MYO9A: variants seen among roughly 807,000 people sequenced by gnomAD.
The protein encoded by MYO9A is unconventional myosin-IXa.
In MYO9A, 103 loss-of-function variants were observed where a neutral mutation model predicts 293.3. The observed-to-expected ratio is 0.35, with a 90% CI of 0.30 to 0.41. The LOEUF (loss-of-function observed/expected upper bound fraction) is 0.41. Among genes scored for constraint, MYO9A ranks in the 10% least tolerant of loss-of-function variants. MYO9A has a pLI of 1.00. For synonymous variants in MYO9A, 1,001 were observed against 1,035.7 expected, an observed-to-expected ratio of 0.97 and a Z score of 0.64; for missense variants, 2,685 against 3,033.0, an observed-to-expected ratio of 0.89 and a Z score of 2.69.
rs183864527 is a variant in MYO9A at position 71,825,727 on chromosome 15, A to G, written c.*853T>C. On this transcript the variant is annotated 3_prime_UTR_variant, in exon 42 of 42. Transcript: ENST00000356056. ...CTGAATGGCTTAGGATGAAACCTTC[A>G]TAAGTTTAGGGATCACCATGTCTCT... The G allele has an allele frequency of 2.0e-5, 3 of 152,216 alleles. No homozygotes were observed. Among genetic ancestry groups the G allele is most frequent in the South Asian group, 2.1e-4 (1 of 4,830 alleles). 9.4% of individuals were successfully genotyped at this position (152,216 alleles called of 1,614,324 possible).
At chr15:71,965,676 T>C (rs188174565) in intron 13 of MYO9A, among the ~76,000 whole-genome samples, 54 of 151,574 alleles carry the variant, frequency 3.6e-4, no homozygotes, top group African/African-American at 1.2e-3. Context: ...AGGGCGGAGG[T>C]TGCAGTGAGT....
intron 34 of MYO9A, among the ~76,000 whole-genome samples, chr15:71,857,971 G>C (rs1420144015): frequency 3.3e-5 from 5 of 152,300 alleles, no homozygotes; most frequent in African/African-American, 4.8e-5. Flanking sequence ...CTTCTCAAAA[G>C]AAGACATTTA....
At chr15:71,883,827 T>C (rs563981088) in intron 27 of MYO9A, 91 bp from the exon 28 acceptor site, 8 of 1,148,222 alleles carry the variant, frequency 7.0e-6, no homozygotes, top group African/African-American at 1.6e-5. Context: ...AAATCTTCTA[T>C]GTATATTAGC....
At chr15:71,924,163 T>C (rs997680539) in intron 18 of MYO9A, among the ~76,000 whole-genome samples, 3 of 152,098 alleles carry the variant, frequency 2.0e-5, no homozygotes, top group Non-Finnish European at 2.9e-5. Context: ...AAAGAACCTA[T>C]TATTGATTTC....
intron 6 of MYO9A, among the ~76,000 whole-genome samples, chr15:72,017,153 T>C (rs1035609421): frequency 1.3e-5 from 2 of 151,526 alleles, no homozygotes; most frequent in Middle Eastern, 3.4e-3. Flanking sequence ...CCTGAGTAGC[T>C]GGAACTACAG....
intron 1 of MYO9A, among the ~76,000 whole-genome samples, chr15:72,104,884 G>C (rs1230426576): frequency 6.6e-6 from 1 of 152,158 alleles, no homozygotes; most frequent in Admixed American, 6.5e-5. Flanking sequence ...TGGTACATAA[G>C]ATGTACATAA....
intron 1 of MYO9A, among the ~76,000 whole-genome samples, chr15:72,093,654 AGAT>A (rs1340340748): frequency 0.48 from 61,494 of 126,910 alleles, 20,601 homozygotes; most frequent in Non-Finnish European, 0.7. Context: ...TGGGAGGCTG[AGAT>A]GGGTGGATCA....
chr15:72,089,426 T>C (rs2079837498), intron 1 of MYO9A, among the ~76,000 whole-genome samples: 2 of 151,966 alleles, frequency 1.3e-5, no homozygotes, highest in Non-Finnish European at 2.9e-5. Context: ...CCTCCCAAAG[T>C]GCTAGGACTG....
intron 18 of MYO9A, among the ~76,000 whole-genome samples, chr15:71,919,397 C>CG (rs1242292006): frequency 1.3e-5 from 2 of 151,978 alleles, no homozygotes; most frequent in Admixed American, 6.6e-5. Flanking sequence ...GAACCAGGAT[C>CG]GCACCACTGC....
chr15:71,998,040 T>C lies in MYO9A; in HGVS notation c.1470+1811A>G, dbSNP rs544990015. On this transcript the variant is annotated intron_variant, in intron 9 of 41. Transcript: ENST00000356056. ...TCCACGTATATGCTCACTGCAGCACTATTCACAATAGCAAAGACATGGAAT... is the reference window on the plus strand; with the variant it reads ...TCCACGTATATGCTCACTGCAGCACCATTCACAATAGCAAAGACATGGAAT... Among the ~76,000 whole-genome samples, 10 of 152,288 alleles carry C rather than the reference T, an allele frequency of 6.6e-5. No homozygotes were observed. In the South Asian group the frequency reaches 2.1e-3, roughly 32 times the overall value.
At chr15:71,938,652 A>G (rs1284183519) in intron 16 of MYO9A, 200 bp downstream of exon 16, 6 of 409,886 alleles carry the variant, frequency 1.5e-5, no homozygotes, top group Non-Finnish European at 2.1e-5. Context: ...TTGTAAAGCC[A>G]TTTTACCAGA....
At chr15:71,912,116 T>TAGTG (rs2057870307) in intron 19 of MYO9A, among the ~76,000 whole-genome samples, 1 of 152,182 alleles carries the variant, frequency 6.6e-6, no homozygotes, top group Non-Finnish European at 1.5e-5. Flanking sequence ...ATGTTCTGTA[T>TAGTG]AGTGTAAAAG....
chr15:71,880,355 C>T lies in MYO9A; in HGVS notation c.5602G>A (p.Asp1868Asn). ...IASVSDLKSM[D>N]EFLLKKVNDL... ...TGTACCTTTTTCAGAAGAAATTCATCCATGCTTTTTAAATCACTGACACTT... is the reference window on the plus strand; with the variant it reads ...TGTACCTTTTTCAGAAGAAATTCATTCATGCTTTTTAAATCACTGACACTT... The change falls in exon 29 of 42, where the codon GAT becomes AAT. Residue 1868 changes from aspartate to asparagine, a missense_variant. This residue lies in a region of MYO9A where 1,434 missense variants were observed against 1,497.7 expected (regional missense o/e 0.96). Coordinates refer to ENST00000356056, the MANE Select transcript of MYO9A (RefSeq NM_006901.4). The T allele has an allele frequency of 6.8e-6, 11 of 1,614,146 alleles. No homozygotes were observed. The highest frequency in any genetic ancestry group is 1.7e-5 in the Admixed American group (1 of 60,026).
chr15:71,848,346 A>AACTC (rs1485804237), intron 39 of MYO9A, among the ~76,000 whole-genome samples: 2 of 152,044 alleles, frequency 1.3e-5, no homozygotes, highest in Non-Finnish European at 2.9e-5. Context: ...CCTAACCCTA[A>AACTC]ACTCAAAGAA....
At chr15:71,855,283 A>G (rs2055820409) in intron 34 of MYO9A, among the ~76,000 whole-genome samples, 1 of 152,120 alleles carries the variant, frequency 6.6e-6, no homozygotes, top group Admixed American at 6.5e-5. Context: ...CTACAGGCAC[A>G]TGACACCACG....
intron 1 of MYO9A, among the ~76,000 whole-genome samples, chr15:72,084,416 T>A (rs575359720): frequency 9.2e-5 from 14 of 152,162 alleles, no homozygotes; most frequent in Non-Finnish European, 1.9e-4. Context: ...CACCTTAGTT[T>A]TTTTATCCAA....
rs28634283 is a variant in MYO9A, at chr15:72,040,987, G to A, written c.840+4737C>T. Among the ~76,000 whole-genome samples, 857 of 152,258 alleles carry A rather than the reference G, an allele frequency of 5.6e-3. 13 individuals carry two copies. Among genetic ancestry groups the A allele is most frequent in the African/African-American group, 0.02 (811 of 41,552 alleles). On this transcript the variant is annotated intron_variant, in intron 2 of 41. Transcript: ENST00000356056. ...ATCATACTAAAAACTTTAAAAGCTT[G>A]TAATTCTAGCACTTTGGGAAGCCAA...
chr15:71,902,989 G>C lies in MYO9A; in HGVS notation c.2952C>G (p.Phe984Leu). The C allele has an allele frequency of 1.3e-6, 2 of 1,586,318 alleles. No individual in the cohort carries two copies. Among genetic ancestry groups the C allele is most frequent in the African/African-American group, 1.3e-5 (1 of 74,294 alleles). The change falls in exon 22 of 42, where the codon TTC becomes TTG. Residue 984 changes from phenylalanine (F) to leucine (L), a missense_variant. Transcript: ENST00000356056. Reference sequence around the variant, plus strand: ...TATCTGGATTAAGATTTATTTTCCTGAAGAAATCCTGAATGTTAAATTTGG... The same window carrying C: ...TATCTGGATTAAGATTTATTTTCCTCAAGAAATCCTGAATGTTAAATTTGG... ...IPSKFNIQDF[F>L]RKINLNPDNY...
intron 1 of MYO9A, among the ~76,000 whole-genome samples, chr15:72,077,709 AAC>A (rs2079399456): frequency 7.0e-6 from 1 of 142,590 alleles, no homozygotes; most frequent in Admixed American, 7.3e-5. Context: ...CAGCCTGGGC[AAC>A]AGAGTGAGAC....
Sources: allele counts gnomAD v4.1 joint callset (sites outside exome capture counted in the v4.1 genomes callset), GRCh38; gene constraint gnomAD v4.1.1; regional missense constraint gnomAD v4.1.1; transcripts MANE v1.5; gene names NCBI Gene and HGNC (gene_info 2026-07-23, HGNC 2026-07-21).